SEMA5A: variants seen among roughly 807,000 people sequenced by gnomAD.
The protein encoded by SEMA5A is semaphorin-5A.
SEMA5A carries 55 observed loss-of-function variants against 135.5 expected under a neutral mutation model. The observed-to-expected ratio is 0.41, with a 90% CI of 0.33 to 0.51. The LOEUF is 0.51. Among genes scored for constraint, SEMA5A ranks in the 20% least tolerant of loss-of-function variants. The probability of loss-of-function intolerance (pLI) is 0.37; values close to 1 mark genes in which losing one functional copy is unlikely to be tolerated. For missense variants in SEMA5A, 1,290 were observed against 1,419.9 expected, an observed-to-expected ratio of 0.91 and a Z score of 1.47; for synonymous variants, 580 against 546.5, an observed-to-expected ratio of 1.06 and a Z score of -0.85.
In SEMA5A at chr5:9,388,716, A is replaced by G. The variant is rs533826357; in HGVS notation, c.-77-8693T>C. Among the ~76,000 whole-genome samples, 9 of 152,078 alleles carry G rather than the reference A, an allele frequency of 5.9e-5. No individual in the cohort carries two copies. In the South Asian group the frequency reaches 1.2e-3, roughly 21 times the overall value. On this transcript the variant is annotated intron_variant, in intron 2 of 22. Coordinates refer to ENST00000382496, the MANE Select transcript of SEMA5A (RefSeq NM_003966.3). ...AGATCAAGACCATCCTGGCTAACAC[A>G]GTGAAACCCCATCTCTACTAAAAAT...
chr5:9,461,519 T>C (rs1759056144), intron 1 of SEMA5A, among the ~76,000 whole-genome samples: 1 of 152,108 alleles, frequency 6.6e-6, no homozygotes, highest in Admixed American at 6.5e-5. Flanking sequence ...GACCTGACAA[T>C]AGAATGGCAT....
chr5:9,516,017 A>G (rs1013647994), intron 1 of SEMA5A, among the ~76,000 whole-genome samples: 5 of 152,186 alleles, frequency 3.3e-5, no homozygotes, highest in Non-Finnish European at 7.3e-5. Context: ...TGCAAAAACA[A>G]TCTCTTTTTA....
chr5:9,338,245 G>A (rs553670813), intron 3 of SEMA5A, among the ~76,000 whole-genome samples: 1 of 152,310 alleles, frequency 6.6e-6, no homozygotes, highest in South Asian at 2.1e-4. Flanking sequence ...AAGCACACAA[G>A]CATCATTTGC....
At chr5:9,451,272 A>T (rs745689076) in intron 1 of SEMA5A, among the ~76,000 whole-genome samples, 8 of 152,222 alleles carry the variant, frequency 5.3e-5, no homozygotes, top group Non-Finnish European at 1.0e-4. Flanking sequence ...CTATCATTAC[A>T]GCAGCCACTG....
At chr5:9,094,145 C>T (rs771417468) in intron 16 of SEMA5A, among the ~76,000 whole-genome samples, 24 of 152,228 alleles carry the variant, frequency 1.6e-4, no homozygotes, top group Non-Finnish European at 1.5e-4. Flanking sequence ...TATCCATCTA[C>T]ATGGGTTCCC....
intron 1 of SEMA5A, among the ~76,000 whole-genome samples, chr5:9,471,455 G>T (rs889683036): frequency 6.6e-6 from 1 of 152,156 alleles, no homozygotes; most frequent in South Asian, 2.1e-4. Flanking sequence ...AGAGAGAATG[G>T]TGTGGCCCTT....
At position 9,190,458 on chromosome 5, in the gene SEMA5A, T is replaced by C; in HGVS notation, c.1082A>G (p.Asp361Gly). The C allele has an allele frequency of 6.2e-7, 1 of 1,613,366 alleles. No homozygotes were observed. The highest frequency in any genetic ancestry group is 8.5e-7 in the Non-Finnish European group (1 of 1,180,022). Residue 361 changes from aspartate to glycine, a missense_variant, in exon 11 of 23, where the codon GAC becomes GGC. Coordinates refer to ENST00000382496, the MANE Select transcript of SEMA5A (RefSeq NM_003966.3). The part of the protein sequence containing the change: ...PNPHFQCGTV[D>G]QGLYVNLTER... ...GGTCAGGTTCACGTACAGGCCCTGG[T>C]CCACGGTGCCACACTGAAAGGGAAG...
chr5:9,222,831 G>A (rs1747082339), intron 8 of SEMA5A, among the ~76,000 whole-genome samples: 1 of 152,196 alleles, frequency 6.6e-6, no homozygotes, highest in Admixed American at 6.5e-5. Context: ...CTGATCAGCT[G>A]GTGGTCACTC....
intron 3 of SEMA5A, among the ~76,000 whole-genome samples, chr5:9,374,835 T>C (rs1385218112): frequency 6.6e-6 from 1 of 152,084 alleles, no homozygotes; most frequent in Non-Finnish European, 1.5e-5. Flanking sequence ...CTGGGTGCTT[T>C]GGCCTCCTGC....
intron 1 of SEMA5A, among the ~76,000 whole-genome samples, chr5:9,527,365 G>A (rs1230661013): frequency 6.6e-6 from 1 of 152,186 alleles, no homozygotes; most frequent in Non-Finnish European, 1.5e-5. Flanking sequence ...AGCAGAAGAT[G>A]CCCAGCATAC....
chr5:9,098,570 A>G (rs1435898215), intron 16 of SEMA5A, among the ~76,000 whole-genome samples: 1 of 152,218 alleles, frequency 6.6e-6, no homozygotes, highest in Non-Finnish European at 1.5e-5. Flanking sequence ...AAATCTAGAG[A>G]GTCACTCTTA....
At chr5:9,246,603 A>T (rs749519866) in intron 5 of SEMA5A, among the ~76,000 whole-genome samples, 2 of 152,182 alleles carry the variant, frequency 1.3e-5, no homozygotes, top group Non-Finnish European at 2.9e-5. Flanking sequence ...ATATGTAGAG[A>T]TATTCCAAAA....
intron 16 of SEMA5A, among the ~76,000 whole-genome samples, chr5:9,104,029 G>GGA (rs1174003464): frequency 6.6e-6 from 1 of 152,138 alleles, no homozygotes; most frequent in Non-Finnish European, 1.5e-5. Flanking sequence ...AACCTAAATA[G>GGA]GAGTAAAGTA....
chr5:9,319,535 C>T (rs1289654365), intron 4 of SEMA5A, among the ~76,000 whole-genome samples: 3 of 152,078 alleles, frequency 2.0e-5, no homozygotes, highest in African/African-American at 7.2e-5. Flanking sequence ...CCTCAGTATT[C>T]TTTGCTTCAG....
At chr5:9,535,337 C>T (rs1405390751) in intron 1 of SEMA5A, among the ~76,000 whole-genome samples, 4 of 152,250 alleles carry the variant, frequency 2.6e-5, no homozygotes, top group Admixed American at 6.5e-5. Flanking sequence ...TGCTGGCAGA[C>T]GGAAAGTAAA....
chr5:9,093,686 C>A (rs1242892775), intron 16 of SEMA5A, among the ~76,000 whole-genome samples: 1 of 147,656 alleles, frequency 6.8e-6, no homozygotes, highest in African/African-American at 2.5e-5. Context: ...GAGTGAGACT[C>A]TGTCTCAAAA....
chr5:9,159,165 G>A (rs1020350587), intron 11 of SEMA5A, among the ~76,000 whole-genome samples: 5 of 152,128 alleles, frequency 3.3e-5, no homozygotes, highest in Non-Finnish European at 7.4e-5. Flanking sequence ...TATAGGTGAC[G>A]ATATTGAGTT....
chr5:9,145,641 C>CTTT lies in SEMA5A; in HGVS notation c.1481+8844_1481+8846dup, dbSNP rs36054284. On this transcript the variant is annotated intron_variant, in intron 12 of 22. Coordinates refer to ENST00000382496, the MANE Select transcript of SEMA5A (RefSeq NM_003966.3). ...GTGGAGTAGATATTAAAGAAGAAAA[C>CTTT]TTTTTTTTTTTTTTTTTTTTAGATG... Among the ~76,000 whole-genome samples the CTTT allele has an allele frequency of 4.3e-4, 50 of 117,512 alleles. 1 individual carries two copies. The highest frequency in any genetic ancestry group is 6.0e-4 in the South Asian group (2 of 3,346). 77.1% of individuals were successfully genotyped at this position (117,512 alleles called of 152,430 possible).
At position 9,162,585 on chromosome 5, in the gene SEMA5A, TAC is replaced by T. The variant is rs143558117; in HGVS notation, c.1274-7892_1274-7891del. Among the ~76,000 whole-genome samples, 12 of 112,056 alleles carry T rather than the reference TAC, an allele frequency of 1.1e-4. No homozygotes were observed. The East Asian group carries it at 1.9e-3, about 17-fold the overall frequency. 73.5% of individuals were successfully genotyped at this position (112,056 alleles called of 152,430 possible). Reference sequence around the variant, plus strand: ...GTGTGTATATATATATATATATATATACACACACACACACAAACCATCTTTTC... The same window carrying T: ...GTGTGTATATATATATATATATATATACACACACACACAAACCATCTTTTC... On this transcript the variant is annotated intron_variant, in intron 11 of 22. Coordinates refer to ENST00000382496, the MANE Select transcript of SEMA5A (RefSeq NM_003966.3).
Sources: gnomAD v4.1 joint callset for allele counts (sites outside exome capture counted in the v4.1 genomes callset) on GRCh38, gnomAD v4.1.1 for gene constraint, MANE v1.5 for transcripts, NCBI Gene and HGNC (gene_info 2026-07-23, HGNC 2026-07-21) for gene names.